LAMA1: variants seen among roughly 807,000 people sequenced by gnomAD.
LAMA1 encodes the protein laminin subunit alpha-1.
Under a neutral mutation model 348.7 loss-of-function variants are expected in LAMA1, and 219 were observed. That is an observed-to-expected ratio of 0.63 (90% CI 0.56 to 0.70). The LOEUF (loss-of-function observed/expected upper bound fraction) is 0.70, where lower values mean the gene tolerates loss of function less well. Ranked by LOEUF, LAMA1 falls within the 30% of genes least tolerant of loss-of-function variation. The pLI is 0.00. For synonymous variants in LAMA1, 1,487 were observed against 1,491.0 expected, an observed-to-expected ratio of 1.00 and a Z score of 0.06; for missense variants, 3,744 against 3,888.0, an observed-to-expected ratio of 0.96 and a Z score of 0.99.
intron 26 of LAMA1, among the ~76,000 whole-genome samples, chr18:7,009,796 A>G (rs1213455884): frequency 1.3e-5 from 2 of 152,152 alleles, no homozygotes; most frequent in Non-Finnish European, 2.9e-5. Context: ...AGATCTTGCT[A>G]ATCTCACTGG....
At chr18:7,085,631 G>A (rs1028895060) in intron 1 of LAMA1, among the ~76,000 whole-genome samples, 19 of 151,984 alleles carry the variant, frequency 1.3e-4, no homozygotes, top group African/African-American at 3.1e-4. Flanking sequence ...CGTTAGCCAG[G>A]ATGGTCTCGA....
At chr18:6,999,715 C>T in intron 31 of LAMA1, 77 bp from the exon 32 acceptor site, 1 of 1,325,804 alleles carries the variant, frequency 7.5e-7, no homozygotes, top group Non-Finnish European at 1.1e-6. Context: ...ATCATTTCCG[C>T]CAAATGAAAT....
In LAMA1 at chr18:7,047,755, T is replaced by C. The variant is rs2058047693; in HGVS notation, c.768+1323A>G. 2.0e-5 allele frequency among the ~76,000 whole-genome samples: 3 copies of C among 152,118 alleles called. No homozygotes were observed. The South Asian group carries it at 6.2e-4, about 32-fold the overall frequency. Reference sequence around the variant, plus strand: ...CCACAATAATAAGGTTGAATAGTTTTCAACAACGGCCCCAAAACAAGTAAA... The same window carrying C: ...CCACAATAATAAGGTTGAATAGTTTCCAACAACGGCCCCAAAACAAGTAAA... On this transcript the variant is annotated intron_variant, in intron 5 of 62. Coordinates refer to ENST00000389658, the MANE Select transcript of LAMA1 (RefSeq NM_005559.4).
chr18:7,107,615 GAAT>G (rs1482537933), intron 1 of LAMA1, among the ~76,000 whole-genome samples: 1 of 152,052 alleles, frequency 6.6e-6, no homozygotes, highest in Non-Finnish European at 1.5e-5. Context: ...GTGCATGGAT[GAAT>G]GAGTGAATAA....
chr18:6,966,754 C>A (rs1428070294), intron 48 of LAMA1, among the ~76,000 whole-genome samples: 1 of 152,164 alleles, frequency 6.6e-6, no homozygotes, highest in Non-Finnish European at 1.5e-5. Context: ...ATACCAGAAG[C>A]ATCACTTCAC....
At chr18:7,109,385 T>C (rs2058326753) in intron 1 of LAMA1, among the ~76,000 whole-genome samples, 1 of 152,250 alleles carries the variant, frequency 6.6e-6, no homozygotes, top group South Asian at 2.1e-4. Context: ...ATGTCCCTTC[T>C]TTTTGACACT....
chr18:7,065,957 G>A (rs1386339216), intron 3 of LAMA1, among the ~76,000 whole-genome samples: 1 of 152,130 alleles, frequency 6.6e-6, no homozygotes, highest in Non-Finnish European at 1.5e-5. Flanking sequence ...ACAGGTCTGA[G>A]GAGGTGCACG....
intron 53 of LAMA1, among the ~76,000 whole-genome samples, chr18:6,960,980 C>T (rs879925808): frequency 1.3e-5 from 2 of 152,200 alleles, no homozygotes; most frequent in African/African-American, 2.4e-5. Context: ...ATGGACTCAA[C>T]TTGATTAAGA....
At chr18:7,069,452 T>C (rs987695846) in intron 3 of LAMA1, among the ~76,000 whole-genome samples, 3 of 152,166 alleles carry the variant, frequency 2.0e-5, no homozygotes, top group Admixed American at 2.0e-4. Flanking sequence ...GTAGCAGTTT[T>C]AAAACAGGCC....
Position 7,049,225 on chromosome 18 carries a change from G to A in LAMA1, c.621C>T (p.Ser207=), listed in dbSNP as rs756452947. 10 of 1,614,064 alleles carry A rather than the reference G, an allele frequency of 6.2e-6. No homozygotes were observed. In the East Asian group the frequency reaches 8.9e-5, roughly 14 times the overall value. Residue 207 remains serine (S), a synonymous_variant, in exon 5 of 63, where the codon AGC becomes AGT. Coordinates refer to ENST00000389658, the MANE Select transcript of LAMA1 (RefSeq NM_005559.4). ...ACAACTTGGGTGAAAGATCGTCAGC[G>A]CTTGGTCTGCCATTGATGAGTGATG... The part of the protein sequence containing the change: ...IHTSLINGRP[S]ADDLSPKLLE...
chr18:6,982,845 A>C (rs536531446), intron 40 of LAMA1, among the ~76,000 whole-genome samples: 66 of 152,334 alleles, frequency 4.3e-4, no homozygotes, highest in African/African-American at 1.6e-3. Flanking sequence ...AGTAGGTATC[A>C]AGTAGCATCA....
intron 25 of LAMA1, 69 bp downstream of exon 25, chr18:7,011,231 G>C: frequency 6.6e-7 from 1 of 1,522,872 alleles, no homozygotes; most frequent in Non-Finnish European, 9.0e-7. Context: ...CCCAGACTAT[G>C]GTGATTTTAA....
At chr18:7,098,449 T>C (rs990129659) in intron 1 of LAMA1, among the ~76,000 whole-genome samples, 1 of 145,874 alleles carries the variant, frequency 6.9e-6, no homozygotes, top group Non-Finnish European at 1.5e-5. Flanking sequence ...GTGAGGAGCG[T>C]CCCTGCCCGG....
Position 7,016,584 on chromosome 18 carries a change from C to T in LAMA1, c.2896G>A (p.Glu966Lys). The change falls in exon 21 of 63, where the codon GAA becomes AAA. Residue 966 changes from glutamate (E) to lysine (K), a missense_variant. By Grantham distance (56) the Glu-to-Lys change is moderately conservative. Transcript: ENST00000389658. ...AGSVSDGCTD[E>K]GQCHCVPGVA... ...CCTGGGACACAGTGACACTGGCCTT[C>T]ATCCGTGCAGCCATCTGACACGGAG... 1.2e-6 allele frequency: 2 copies of T among 1,614,210 alleles called. No homozygotes were observed. Among genetic ancestry groups the T allele is most frequent in the Non-Finnish European group, 1.7e-6 (2 of 1,180,036 alleles).
At chr18:7,035,449 CT>C (rs1346235344) in intron 13 of LAMA1, among the ~76,000 whole-genome samples, 1 of 151,290 alleles carries the variant, frequency 6.6e-6, no homozygotes, top group Non-Finnish European at 1.5e-5. Context: ...TTGAGATAGG[CT>C]CTCTCTCTGT....
At chr18:7,076,194 G>A (rs1397872134) in intron 3 of LAMA1, among the ~76,000 whole-genome samples, 1 of 152,198 alleles carries the variant, frequency 6.6e-6, no homozygotes, top group East Asian at 1.9e-4. Flanking sequence ...TCATCAGAAG[G>A]TGTAGCCATG....
At chr18:7,080,526 C>T in intron 1 of LAMA1, 69 bp from the exon 2 acceptor site, 1 of 1,510,188 alleles carries the variant, frequency 6.6e-7, no homozygotes, top group Non-Finnish European at 9.1e-7. Context: ...CCCCATCCCA[C>T]TTGGTAGGTG....
chr18:7,098,064 C>T (rs1218371934), intron 1 of LAMA1, among the ~76,000 whole-genome samples: 18 of 150,336 alleles, frequency 1.2e-4, no homozygotes, highest in Non-Finnish European at 2.2e-4. Flanking sequence ...TTGGCCAGGC[C>T]GGTCTCCAGC....
chr18:7,058,081 C>T (rs933036086), intron 3 of LAMA1, among the ~76,000 whole-genome samples: 1 of 152,080 alleles, frequency 6.6e-6, no homozygotes, highest in African/African-American at 2.4e-5. Context: ...GGATTACAGG[C>T]ATGAGCCTCC....
Sources: allele counts gnomAD v4.1 joint callset (sites outside exome capture counted in the v4.1 genomes callset), GRCh38; gene constraint gnomAD v4.1.1; transcripts MANE v1.5; gene names NCBI Gene and HGNC (gene_info 2026-07-23, HGNC 2026-07-21).